Variants in PTPRD observed in about 807,000 individuals in gnomAD.
The protein encoded by PTPRD is receptor-type tyrosine-protein phosphatase delta.
PTPRD carries 34 observed loss-of-function variants against 214.5 expected under a neutral mutation model. The ratio of observed to expected loss-of-function variants is 0.16; its 90% CI spans 0.12 to 0.21. The LOEUF (loss-of-function observed/expected upper bound fraction) is 0.21, where lower values mean the gene tolerates loss of function less well. PTPRD is among the 10% of genes least tolerant of loss of function. The pLI, the probability that PTPRD is intolerant of heterozygous loss-of-function variation, is 1.00. For missense variants in PTPRD, 2,545 were observed against 2,398.7 expected (o/e 1.06, Z -1.27); for synonymous variants, 1,128 against 845.7 (o/e 1.33, Z -5.79).
intron 10 of PTPRD, among the ~76,000 whole-genome samples, chr9:9,022,802 A>T (rs747153902): frequency 6.6e-6 from 1 of 152,208 alleles, no homozygotes. Context: ...TAGCTGCAAA[A>T]TCTATATTGG....
At chr9:8,425,656 G>A (rs2094613206) in intron 35 of PTPRD, among the ~76,000 whole-genome samples, 1 of 147,326 alleles carries the variant, frequency 6.8e-6, no homozygotes. Context: ...ATTATTTTTT[G>A]TTTTGTTTTT....
chr9:9,667,082 A>G (rs980955792), intron 7 of PTPRD, among the ~76,000 whole-genome samples: 2 of 152,080 alleles, frequency 1.3e-5, no homozygotes, highest in African/African-American at 2.4e-5. Flanking sequence ...TGGCTTCACA[A>G]TCTGATTCCT....
chr9:8,789,388 A>C (rs1433073222), intron 11 of PTPRD, among the ~76,000 whole-genome samples: 2 of 152,220 alleles, frequency 1.3e-5, no homozygotes, highest in Non-Finnish European at 2.9e-5. Flanking sequence ...TGATATGTAA[A>C]GCTCAGGAAC....
intron 2 of PTPRD, among the ~76,000 whole-genome samples, chr9:10,486,406 C>T (rs989985420): frequency 6.6e-6 from 1 of 152,080 alleles, no homozygotes; most frequent in Non-Finnish European, 1.5e-5. Context: ...TATGGCTGGA[C>T]AGTTTTCCCA....
chr9:10,285,545 G>C (rs904446706), intron 3 of PTPRD, among the ~76,000 whole-genome samples: 1 of 151,110 alleles, frequency 6.6e-6, no homozygotes, highest in Non-Finnish European at 1.5e-5. Flanking sequence ...TTGAACCCCA[G>C]TGCCATCACT....
intron 7 of PTPRD, among the ~76,000 whole-genome samples, chr9:9,602,372 T>C (rs188341998): frequency 1.9e-4 from 29 of 152,160 alleles, no homozygotes; most frequent in Non-Finnish European, 3.2e-4. Flanking sequence ...ATTTAATTTA[T>C]ATTTTTAAAG....
At chr9:10,227,132 T>C (rs1004602128) in intron 3 of PTPRD, among the ~76,000 whole-genome samples, 2 of 152,012 alleles carry the variant, frequency 1.3e-5, no homozygotes, top group Non-Finnish European at 2.9e-5. Context: ...TGGAAGCTAA[T>C]ATTGTAGCTT....
chr9:9,374,158 A>G (rs902848656), intron 9 of PTPRD, among the ~76,000 whole-genome samples: 4 of 152,122 alleles, frequency 2.6e-5, no homozygotes, highest in South Asian at 2.1e-4. Flanking sequence ...GTGACGAAAA[A>G]GACAGATTTT....
intron 36 of PTPRD, 90 bp from the exon 37 acceptor site, chr9:8,389,497 G>C (rs1242911894): frequency 2.4e-5 from 23 of 944,334 alleles, no homozygotes; most frequent in Non-Finnish European, 3.4e-5. Context: ...CTATCTTACT[G>C]TTCCACCTCA....
intron 5 of PTPRD, among the ~76,000 whole-genome samples, chr9:9,883,516 T>C (rs1006131635): frequency 1.3e-5 from 2 of 152,148 alleles, no homozygotes; most frequent in African/African-American, 4.8e-5. Context: ...TTTCAGGTAC[T>C]TCCCGGTTTT....
chr9:8,916,421 T>C (rs937435385), intron 11 of PTPRD, among the ~76,000 whole-genome samples: 3 of 152,114 alleles, frequency 2.0e-5, no homozygotes, highest in Admixed American at 2.0e-4. Flanking sequence ...GAATATTGTA[T>C]AATAAGCCTA....
intron 5 of PTPRD, among the ~76,000 whole-genome samples, chr9:9,833,302 G>C (rs1440778569): frequency 2.0e-5 from 3 of 151,914 alleles, no homozygotes; most frequent in African/African-American, 4.8e-5. Context: ...TCATACATTG[G>C]TAGGATCCGT....
chr9:10,070,364 A>G (rs2097979543), intron 3 of PTPRD, among the ~76,000 whole-genome samples: 1 of 152,036 alleles, frequency 6.6e-6, no homozygotes, highest in African/African-American at 2.4e-5. Flanking sequence ...TAACCTTTGT[A>G]TGTACCTCTT....
chr9:9,545,699 T>C (rs938558327), intron 8 of PTPRD, among the ~76,000 whole-genome samples: 7 of 151,836 alleles, frequency 4.6e-5, no homozygotes, highest in Admixed American at 2.0e-4. Context: ...TATCACACTG[T>C]CTTGATTACT....
At chr9:9,244,585 C>A (rs180854491) in intron 9 of PTPRD, among the ~76,000 whole-genome samples, 1 of 152,040 alleles carries the variant, frequency 6.6e-6, no homozygotes, top group Non-Finnish European at 1.5e-5. Context: ...GCTAGCCATA[C>A]GTAAAAAGCT....
rs146658007 is a variant in PTPRD, at chr9:10,529,152, G to A, written c.-600+83246C>T. Among the ~76,000 whole-genome samples, 607 of 152,088 alleles carry A rather than the reference G, an allele frequency of 4.0e-3. 5 individuals are homozygous for A. Among genetic ancestry groups the A allele is most frequent in the African/African-American group, 0.014 (569 of 41,492 alleles). On this transcript the variant is annotated intron_variant, in intron 2 of 45. Transcript: ENST00000381196. ...ATGCATTCACATATCTCTTTTAAAT[G>A]CAAGAACTCAACTATTCTAGGATCT...
chr9:10,030,570 G>C (rs979977906), intron 4 of PTPRD, among the ~76,000 whole-genome samples: 1 of 152,078 alleles, frequency 6.6e-6, no homozygotes, highest in Non-Finnish European at 1.5e-5. Context: ...CTAGACTAAT[G>C]TTAACTCCTA....
At chr9:10,575,026 A>T (rs1248774560) in intron 2 of PTPRD, among the ~76,000 whole-genome samples, 2 of 151,826 alleles carry the variant, frequency 1.3e-5, no homozygotes, top group Non-Finnish European at 2.9e-5. Flanking sequence ...AGATACAAAA[A>T]CTACTTTTAA....
At chr9:9,186,454 A>G (rs143948045) in intron 9 of PTPRD, among the ~76,000 whole-genome samples, 3 of 152,196 alleles carry the variant, frequency 2.0e-5, no homozygotes, top group African/African-American at 7.2e-5. Flanking sequence ...TACAAAAAAT[A>G]CAGAAAGCTA....
Sources: allele counts gnomAD v4.1 joint callset (sites outside exome capture counted in the v4.1 genomes callset), GRCh38; gene constraint gnomAD v4.1.1; transcripts MANE v1.5; gene names NCBI Gene and HGNC (gene_info 2026-07-23, HGNC 2026-07-21).